The following ASB7 variants were observed in gnomAD, a reference collection of about 807,000 sequenced individuals.
The protein encoded by ASB7 is ankyrin repeat and SOCS box protein 7.
ASB7 carries 4 observed loss-of-function variants against 32.5 expected under a neutral mutation model. The observed-to-expected ratio is 0.12, with a 90% CI of 0.06 to 0.28. The LOEUF is 0.28. Among genes scored for constraint, ASB7 ranks in the 10% least tolerant of loss-of-function variants. The pLI, the probability that ASB7 is intolerant of heterozygous loss-of-function variation, is 1.00. For missense variants in ASB7, 181 were observed against 407.1 expected (o/e 0.44, Z 4.78); for synonymous variants, 172 against 155.6 (o/e 1.11, Z -0.78).
In ASB7 at chr15:100,643,879, A is replaced by G. The variant is rs1394359771; in HGVS notation, c.818-4444A>G. Reference sequence around the variant, plus strand: ...TTGGATGATACGTTTTCATTTAAGTATGCCTGTATACACATACGTCAACTC... The same window carrying G: ...TTGGATGATACGTTTTCATTTAAGTGTGCCTGTATACACATACGTCAACTC... On this transcript the variant is annotated intron_variant, in intron 5 of 5. Coordinates refer to ENST00000332783, the MANE Select transcript of ASB7 (RefSeq NM_198243.3). 3.9e-5 allele frequency among the ~76,000 whole-genome samples: 6 copies of G among 152,148 alleles called. No individual in the cohort carries two copies. In the East Asian group the frequency reaches 1.2e-3, roughly 29 times the overall value.
At chr15:100,645,924 C>A (rs1181871499) in intron 5 of ASB7, 4 of 632,684 alleles carry the variant, frequency 6.3e-6, no homozygotes, top group South Asian at 1.6e-5. Context: ...CAGAGAAGGT[C>A]ACTATGGGAG....
chr15:100,647,621 C>T (rs2040005170), intron 5 of ASB7, among the ~76,000 whole-genome samples: 1 of 152,114 alleles, frequency 6.6e-6, no homozygotes, highest in Non-Finnish European at 1.5e-5. Context: ...GGCAAGTGAT[C>T]AGGGTGTGGA....
At chr15:100,642,290 T>C (rs1272715082) in intron 5 of ASB7, among the ~76,000 whole-genome samples, 4 of 152,260 alleles carry the variant, frequency 2.6e-5, no homozygotes, top group African/African-American at 9.6e-5. Context: ...ATTTTTGCCC[T>C]CTTGCATCTT....
At chr15:100,646,285 A>G (rs1480559509) in intron 5 of ASB7, 1 of 392,488 alleles carries the variant, frequency 2.5e-6, no homozygotes, top group Non-Finnish European at 5.1e-6. Context: ...CAAGGACCAG[A>G]TTCGAGAAGT....
chr15:100,631,204 T>C (rs1226380687), intron 5 of ASB7, among the ~76,000 whole-genome samples: 1 of 152,224 alleles, frequency 6.6e-6, no homozygotes, highest in African/African-American at 2.4e-5. Context: ...TTCTGTGATG[T>C]TGGAAATGGT....
At chr15:100,615,521 T>C (rs6598368) in intron 4 of ASB7, among the ~76,000 whole-genome samples, 82,700 of 152,050 alleles carry the variant, frequency 0.54, 23,200 homozygotes, top group East Asian at 0.68. Flanking sequence ...TTTTTGAGAA[T>C]GGCTGGAATT....
At chr15:100,604,809 T>A (rs1023801517) in intron 2 of ASB7, among the ~76,000 whole-genome samples, 1 of 152,202 alleles carries the variant, frequency 6.6e-6, no homozygotes, top group Non-Finnish European at 1.5e-5. Flanking sequence ...AAGGCTAATT[T>A]TTATTATGTA....
At chr15:100,638,186 G>C (rs2039937561) in intron 5 of ASB7, among the ~76,000 whole-genome samples, 1 of 152,152 alleles carries the variant, frequency 6.6e-6, no homozygotes, top group South Asian at 2.1e-4. Context: ...TTTTAAGGGT[G>C]TCCTGTTAGC....
intron 5 of ASB7, among the ~76,000 whole-genome samples, chr15:100,639,156 A>T (rs2039944488): frequency 1.3e-5 from 2 of 152,208 alleles, no homozygotes. Flanking sequence ...GAGTTAACTG[A>T]CATGTATTTC....
chr15:100,608,395 C>A (rs930823820), intron 2 of ASB7, among the ~76,000 whole-genome samples: 5 of 152,140 alleles, frequency 3.3e-5, no homozygotes, highest in Admixed American at 1.3e-4. Flanking sequence ...TGTTTCTCCC[C>A]CTTTATTTAT....
chr15:100,628,825 G>T (rs180910208), intron 4 of ASB7, among the ~76,000 whole-genome samples: 1 of 152,090 alleles, frequency 6.6e-6, no homozygotes, highest in Non-Finnish European at 1.5e-5. Context: ...TCCAAAGTTC[G>T]TGTAAAACTA....
intron 5 of ASB7, among the ~76,000 whole-genome samples, chr15:100,636,864 T>C (rs2039927031): frequency 6.6e-6 from 1 of 152,244 alleles, no homozygotes; most frequent in Admixed American, 6.5e-5. Context: ...TTCCTAACAA[T>C]ACTAAGATGT....
At chr15:100,639,941 T>C (rs1350296730) in intron 5 of ASB7, among the ~76,000 whole-genome samples, 7 of 152,172 alleles carry the variant, frequency 4.6e-5, no homozygotes, top group Non-Finnish European at 1.0e-4. Flanking sequence ...AAGCTACCAA[T>C]AGAAAAATGT....
At chr15:100,612,703 G>A (rs2039707544) in intron 4 of ASB7, among the ~76,000 whole-genome samples, 1 of 152,156 alleles carries the variant, frequency 6.6e-6, no homozygotes, top group South Asian at 2.1e-4. Flanking sequence ...CTTTCTTCAG[G>A]TTGTCCAGCT....
intron 5 of ASB7, among the ~76,000 whole-genome samples, chr15:100,647,424 G>T (rs2040004034): frequency 6.6e-6 from 1 of 152,226 alleles, no homozygotes; most frequent in East Asian, 1.9e-4. Context: ...ATATATATTA[G>T]CTTTATTATC....
chr15:100,641,786 T>A (rs2039963081), intron 5 of ASB7, among the ~76,000 whole-genome samples: 1 of 152,224 alleles, frequency 6.6e-6, no homozygotes, highest in Non-Finnish European at 1.5e-5. Context: ...TTACACATAT[T>A]TAAAAATGTA....
In ASB7 at chr15:100,644,820, G is replaced by A. The variant is rs551796408; in HGVS notation, c.818-3503G>A. On this transcript the variant is annotated intron_variant, in intron 5 of 5. Transcript: ENST00000332783. ...GGAGGAGACATAATCTTCCCAAGAG[G>A]CACATGAGTGTGTGTGTGTCACATC... is the stretch of plus-strand genomic sequence containing the variant. Among the ~76,000 whole-genome samples the A allele has an allele frequency of 5.9e-4, 62 of 105,288 alleles. 2 individuals are homozygous for A. In the East Asian group the frequency reaches 6.7e-3, roughly 11 times the overall value. The allele number at this position is 105,288 out of a possible 152,430, so 69.1% of individuals were successfully genotyped here. A position where few individuals can be genotyped will look rare whatever the true frequency, so the allele number is the denominator to read the frequency against.
At position 100,624,620 on chromosome 15, in the gene ASB7, C is replaced by G. The variant is rs184543572; in HGVS notation, c.212-4817C>G. Among the ~76,000 whole-genome samples the G allele has an allele frequency of 2.0e-5, 3 of 152,276 alleles. No individual in the cohort carries two copies. In the East Asian group the frequency reaches 5.8e-4, roughly 29 times the overall value. Reference sequence around the variant, plus strand: ...AAAAAATAGATTAATAGCCTTATATCAATTTAAGAAGTCTAGCTCATAACT... The same window carrying G: ...AAAAAATAGATTAATAGCCTTATATGAATTTAAGAAGTCTAGCTCATAACT... On this transcript the variant is annotated intron_variant, in intron 4 of 5. Coordinates refer to ENST00000332783, the MANE Select transcript of ASB7 (RefSeq NM_198243.3).
At chr15:100,627,962 T>C (rs977094064) in intron 4 of ASB7, among the ~76,000 whole-genome samples, 1 of 152,172 alleles carries the variant, frequency 6.6e-6, no homozygotes, top group Non-Finnish European at 1.5e-5. Context: ...GTGGAAACAT[T>C]AGTGTCATGC....
Sources: allele counts gnomAD v4.1 joint callset (sites outside exome capture counted in the v4.1 genomes callset), GRCh38; gene constraint gnomAD v4.1.1; transcripts MANE v1.5; gene names NCBI Gene and HGNC (gene_info 2026-07-23, HGNC 2026-07-21).